Variants in SRGAP1 observed in about 807,000 individuals in gnomAD.
SRGAP1 encodes SLIT-ROBO Rho GTPase-activating protein 1.
In SRGAP1, 43 loss-of-function variants were observed where a neutral mutation model predicts 121.9. The observed-to-expected ratio is 0.35, with a 90% CI of 0.28 to 0.46. SRGAP1 has a LOEUF of 0.46. Among genes scored for constraint, SRGAP1 ranks in the 20% least tolerant of loss-of-function variants. The pLI is 1.00. For missense variants in SRGAP1, 1,102 were observed against 1,350.9 expected, an observed-to-expected ratio of 0.82 and a Z score of 2.89; for synonymous variants, 447 against 485.4, an observed-to-expected ratio of 0.92 and a Z score of 1.04.
intron 8 of SRGAP1, among the ~76,000 whole-genome samples, chr12:64,067,437 T>A (rs906782302): frequency 6.6e-6 from 1 of 152,022 alleles, no homozygotes; most frequent in Non-Finnish European, 1.5e-5. Context: ...TTAAAATAAA[T>A]TTTTAAAAAC....
intron 1 of SRGAP1, among the ~76,000 whole-genome samples, chr12:63,872,924 A>C (rs1291559087): frequency 6.6e-6 from 1 of 152,134 alleles, no homozygotes. Context: ...AACTCATGAG[A>C]GAGACATCTG....
At position 64,157,324 on chromosome 12, in the gene SRGAP1, C is replaced by T. The variant is rs2037171276; in HGVS notation, c.*14652C>T. The T allele has an allele frequency of 6.6e-6, 1 of 152,150 alleles. No homozygotes were observed. The highest frequency in any genetic ancestry group is 2.4e-5 in the African/African-American group (1 of 41,424). The allele number at this position is 152,150 out of a possible 1,614,324, so 9.4% of individuals were successfully genotyped here. On this transcript the variant is annotated 3_prime_UTR_variant, in exon 22 of 22. Transcript: ENST00000355086. ...GCTAGCTGCTGTAACAAACAACCCCCCAAACTCAGTAACACAATCAAGCTG... is the reference window on the plus strand; with the variant it reads ...GCTAGCTGCTGTAACAAACAACCCCTCAAACTCAGTAACACAATCAAGCTG...
At chr12:64,141,038 C>G (rs1327260862) in intron 21 of SRGAP1, among the ~76,000 whole-genome samples, 4 of 129,150 alleles carry the variant, frequency 3.1e-5, no homozygotes, top group East Asian at 2.2e-4. Flanking sequence ...AACCAAACAC[C>G]GCATATTCTC....
chr12:63,855,711 A>G (rs1367792673), intron 1 of SRGAP1, among the ~76,000 whole-genome samples: 1 of 149,276 alleles, frequency 6.7e-6, no homozygotes, highest in Non-Finnish European at 1.5e-5. Flanking sequence ...CTGGTCTTGA[A>G]CTCCTGGGCT....
rs2037121086 is a variant in SRGAP1, at chr12:64,151,664, G to C, written c.*8992G>C. 1 of 152,130 alleles carries C rather than the reference G, an allele frequency of 6.6e-6. No individual in the cohort carries two copies. 9.4% of individuals were successfully genotyped at this position (152,130 alleles called of 1,614,324 possible). ...AAAACATGGTCATGTTTCTTTACCA[G>C]TGTACTAGGTGAGTGATAGGCTCAA... On this transcript the variant is annotated 3_prime_UTR_variant, in exon 22 of 22. Transcript: ENST00000355086.
chr12:63,966,655 A>G (rs1216689055), intron 1 of SRGAP1, among the ~76,000 whole-genome samples: 6 of 152,080 alleles, frequency 3.9e-5, no homozygotes, highest in Non-Finnish European at 1.5e-5. Context: ...GGTGGTTTTA[A>G]TAGAATATCT....
chr12:63,908,877 C>A (rs926972680), intron 1 of SRGAP1, among the ~76,000 whole-genome samples: 46 of 151,988 alleles, frequency 3.0e-4, no homozygotes, highest in Admixed American at 6.6e-5. Flanking sequence ...TTTTTGACTG[C>A]ATATATATTT....
At chr12:64,102,152 G>C (rs1055628434) in intron 15 of SRGAP1, among the ~76,000 whole-genome samples, 16 of 152,198 alleles carry the variant, frequency 1.1e-4, no homozygotes, top group Non-Finnish European at 1.3e-4. Context: ...ATCATCGAAT[G>C]AGTAGTCAAT....
intron 13 of SRGAP1, 33 bp downstream of exon 13, chr12:64,095,025 A>T (rs2036127945): frequency 1.9e-6 from 3 of 1,612,264 alleles, no homozygotes; most frequent in Non-Finnish European, 2.5e-6. Flanking sequence ...CTTATTTTTT[A>T]AAAAATCACT....
chr12:63,867,771 AT>A (rs767535744), intron 1 of SRGAP1, among the ~76,000 whole-genome samples: 4 of 152,074 alleles, frequency 2.6e-5, no homozygotes, highest in Non-Finnish European at 4.4e-5. Context: ...TTAAAAAAAA[AT>A]AATTTAAAAC....
rs527643155 is a variant in SRGAP1 at position 64,103,340 on chromosome 12, A to G, written c.1814-5592A>G. Among the ~76,000 whole-genome samples, 4 of 152,284 alleles carry G rather than the reference A, an allele frequency of 2.6e-5. No homozygotes were observed. In the South Asian group the frequency reaches 8.3e-4, roughly 32 times the overall value. ...GCTCTTCATAAACCACTTTTTTAAA[A>G]CTCAATAATATTATTTTCAAAATAT... On this transcript the variant is annotated intron_variant, in intron 15 of 21. Coordinates refer to ENST00000355086, the MANE Select transcript of SRGAP1 (RefSeq NM_020762.4).
At chr12:64,124,988 T>C (rs2036665206) in intron 18 of SRGAP1, among the ~76,000 whole-genome samples, 1 of 152,198 alleles carries the variant, frequency 6.6e-6, no homozygotes. Flanking sequence ...GTGTGTGTGT[T>C]TACTTAGATC....
At chr12:63,867,086 A>C (rs893914875) in intron 1 of SRGAP1, among the ~76,000 whole-genome samples, 3 of 152,126 alleles carry the variant, frequency 2.0e-5, no homozygotes, top group Admixed American at 2.0e-4. Context: ...CCTGGACTTA[A>C]GTGATCCTCT....
chr12:64,091,824 T>C (rs1312663971), intron 12 of SRGAP1: 33 of 1,271,450 alleles, frequency 2.6e-5, no homozygotes, highest in Non-Finnish European at 3.5e-5. Flanking sequence ...CTATGATCTA[T>C]ACCTTGTACC....
chr12:64,111,025 A>G (rs2036422876), intron 16 of SRGAP1, among the ~76,000 whole-genome samples: 1 of 152,210 alleles, frequency 6.6e-6, no homozygotes, highest in African/African-American at 2.4e-5. Context: ...TAGAACAAGG[A>G]GCATAGCAAT....
intron 6 of SRGAP1, among the ~76,000 whole-genome samples, chr12:64,052,771 T>C (rs1452813288): frequency 3.3e-5 from 5 of 152,216 alleles, no homozygotes; most frequent in Non-Finnish European, 5.9e-5. Context: ...TTATATACTT[T>C]TAATGATTTA....
chr12:63,951,662 T>G (rs768879560), intron 1 of SRGAP1, among the ~76,000 whole-genome samples: 3 of 152,206 alleles, frequency 2.0e-5, no homozygotes, highest in Non-Finnish European at 4.4e-5. Flanking sequence ...AAGAGAAGGC[T>G]TCTTCCACCA....
chr12:63,865,101 A>C (rs909007669), intron 1 of SRGAP1, among the ~76,000 whole-genome samples: 3 of 152,160 alleles, frequency 2.0e-5, no homozygotes, highest in African/African-American at 7.2e-5. Context: ...CATTTTTATT[A>C]ATCAAAATAG....
chr12:64,078,972 C>T lies in SRGAP1; in HGVS notation c.1179C>T (p.Ile393=), dbSNP rs761113797. ...AGACGATACAAGATATGGTCACCAT[C>T]GAGGACTATGATGTTTCTGAATGCT... ...TLQTIQDMVT[I]EDYDVSECFQ... Residue 393 remains isoleucine (I), a synonymous_variant, in exon 9 of 22, where the codon ATC becomes ATT. Transcript: ENST00000355086. 14 of 1,614,086 alleles carry T rather than the reference C, an allele frequency of 8.7e-6. No homozygotes were observed. The highest frequency in any genetic ancestry group is 1.0e-5 in the Non-Finnish European group (12 of 1,180,002).
Sources: allele counts gnomAD v4.1 joint callset (sites outside exome capture counted in the v4.1 genomes callset), GRCh38; gene constraint gnomAD v4.1.1; transcripts MANE v1.5; gene names NCBI Gene and HGNC (gene_info 2026-07-23, HGNC 2026-07-21).